Variants in APLF observed in about 807,000 individuals in gnomAD.
The protein encoded by APLF is aprataxin and PNKP like factor, also known as aprataxin and PNK-like factor.
APLF carries 61 observed loss-of-function variants against 55.6 expected under a neutral mutation model. The ratio of observed to expected loss-of-function variants is 1.10; its 90% CI spans 0.89 to 1.36. The LOEUF (loss-of-function observed/expected upper bound fraction) is 1.36. APLF is among the 40% of genes most tolerant of loss of function. The pLI is 0.00. For missense variants in APLF, 611 were observed against 602.5 expected, an observed-to-expected ratio of 1.01 and a Z score of -0.15; for synonymous variants, 207 against 214.8, an observed-to-expected ratio of 0.96 and a Z score of 0.32.
chr2:68,542,270 A>G (rs543548279), intron 7 of APLF, among the ~76,000 whole-genome samples: 5 of 152,216 alleles, frequency 3.3e-5, no homozygotes, highest in Non-Finnish European at 7.3e-5. Flanking sequence ...ATGACACCAA[A>G]GCACAGACAA....
intron 9 of APLF, among the ~76,000 whole-genome samples, chr2:68,571,497 T>G (rs1671463980): frequency 6.6e-6 from 1 of 152,182 alleles, no homozygotes; most frequent in South Asian, 2.1e-4. Context: ...GGATCCAGTT[T>G]CAGCTTTCTA....
intron 9 of APLF, among the ~76,000 whole-genome samples, chr2:68,576,654 GA>G (rs1311991801): frequency 6.6e-6 from 1 of 152,054 alleles, no homozygotes; most frequent in African/African-American, 2.4e-5. Flanking sequence ...CTGATATTAA[GA>G]AAAATATAAA....
rs1423658998 is a variant in APLF, at chr2:68,571,331, G to A, written c.1333+3944G>A. ...CCATTTGTCAATTTTGGCTTTTGTTGCCATTGCTTTTGGTGTTTTAGACAT... is the reference window on the plus strand; with the variant it reads ...CCATTTGTCAATTTTGGCTTTTGTTACCATTGCTTTTGGTGTTTTAGACAT... On this transcript the variant is annotated intron_variant, in intron 9 of 9. Coordinates refer to ENST00000303795, the MANE Select transcript of APLF (RefSeq NM_173545.3). 9.2e-5 allele frequency among the ~76,000 whole-genome samples: 14 copies of A among 152,234 alleles called. No individual in the cohort carries two copies. In the South Asian group the frequency reaches 2.5e-3, roughly 27 times the overall value.
chr2:68,513,977 A>G (rs1160344489), intron 5 of APLF, among the ~76,000 whole-genome samples: 1 of 151,854 alleles, frequency 6.6e-6, no homozygotes, highest in Non-Finnish European at 1.5e-5. Context: ...CTAGGATAAA[A>G]GGCCAGCACA....
intron 5 of APLF, among the ~76,000 whole-genome samples, chr2:68,518,564 G>C (rs1250981397): frequency 8.6e-6 from 1 of 116,120 alleles, no homozygotes; most frequent in East Asian, 2.4e-4. Context: ...AATGTATCAT[G>C]AATATATAAT....
intron 2 of APLF, among the ~76,000 whole-genome samples, chr2:68,493,549 T>G: frequency 6.6e-6 from 1 of 152,226 alleles, no homozygotes; most frequent in East Asian, 1.9e-4. Flanking sequence ...CAAAAGACAC[T>G]ATAATGAAAA....
intron 3 of APLF, among the ~76,000 whole-genome samples, chr2:68,505,263 A>G (rs932435662): frequency 2.0e-5 from 3 of 152,096 alleles, no homozygotes; most frequent in Admixed American, 6.6e-5. Context: ...ATAAACTTTC[A>G]TAATAGAATT....
At chr2:68,511,413 G>C (rs766306632) in intron 3 of APLF, among the ~76,000 whole-genome samples, 15 of 151,554 alleles carry the variant, frequency 9.9e-5, no homozygotes, top group Admixed American at 2.6e-4. Flanking sequence ...TGTACTTTTT[G>C]AATAAAATGT....
chr2:68,516,944 A>C (rs1669601036), intron 5 of APLF, among the ~76,000 whole-genome samples: 1 of 124,248 alleles, frequency 8.0e-6, no homozygotes, highest in South Asian at 2.2e-4. Context: ...ATAATATAAT[A>C]TATATAATAT....
At chr2:68,568,290 AC>A in intron 9 of APLF, 1 of 985,392 alleles carries the variant, frequency 1.0e-6, no homozygotes, top group Non-Finnish European at 1.2e-6. Flanking sequence ...TAAAATGCAT[AC>A]TATCCAGGCT....
intron 5 of APLF, among the ~76,000 whole-genome samples, chr2:68,514,947 C>T (rs964848705): frequency 6.6e-6 from 1 of 151,670 alleles, no homozygotes; most frequent in Admixed American, 6.6e-5. Flanking sequence ...GCTGTTTTTC[C>T]ATTTTACCTT....
intron 3 of APLF, among the ~76,000 whole-genome samples, chr2:68,506,534 A>G (rs1310969875): frequency 6.6e-6 from 1 of 152,008 alleles, no homozygotes; most frequent in Non-Finnish European, 1.5e-5. Context: ...ACATGTATGA[A>G]CTTTTTATTC....
intron 1 of APLF, among the ~76,000 whole-genome samples, chr2:68,468,841 C>G (rs1675518882): frequency 6.6e-6 from 1 of 152,144 alleles, no homozygotes; most frequent in South Asian, 2.1e-4. Flanking sequence ...TGTCAGTGAG[C>G]TAACACCAAG....
chr2:68,472,481 C>A (rs964100847), intron 1 of APLF, among the ~76,000 whole-genome samples: 1 of 152,120 alleles, frequency 6.6e-6, no homozygotes, highest in African/African-American at 2.4e-5. Context: ...CATGACTCCC[C>A]AGACCCCTTA....
Position 68,529,266 on chromosome 2 carries a change from A to G in APLF, c.804+3024A>G. 2 of 1,325,082 alleles carry G rather than the reference A, an allele frequency of 1.5e-6. No individual in the cohort carries two copies. The highest frequency in any genetic ancestry group is 2.0e-6 in the Non-Finnish European group (2 of 1,007,298). The allele number at this position is 1,325,082 out of a possible 1,614,324, so 82.1% of individuals were successfully genotyped here. On this transcript the variant is annotated intron_variant, in intron 6 of 9. Coordinates refer to ENST00000303795, the MANE Select transcript of APLF (RefSeq NM_173545.3). This position sits in a 1 kb window ranked among gnomAD's most constrained non-coding sequence, Gnocchi z 4.4. ...AGGGTGCCGTCCCACCTGCCTGGAA[A>G]AGAAGGCCCAAGATGTCGCTGACGG...
At chr2:68,518,968 A>C (rs1669789051) in intron 5 of APLF, among the ~76,000 whole-genome samples, 1 of 124,018 alleles carries the variant, frequency 8.1e-6, no homozygotes, top group Non-Finnish European at 1.6e-5. Flanking sequence ...AATACATAAT[A>C]ATATGCTATT....
chr2:68,518,227 T>C (rs1669705070), intron 5 of APLF, among the ~76,000 whole-genome samples: 1 of 120,016 alleles, frequency 8.3e-6, no homozygotes, highest in African/African-American at 3.3e-5. Context: ...TAATATATAA[T>C]AGATCATTAA....
intron 3 of APLF, 110 bp from the exon 4 acceptor site, chr2:68,512,970 T>G (rs1669438161): frequency 7.6e-6 from 7 of 924,684 alleles, no homozygotes; most frequent in South Asian, 1.8e-5. Context: ...TAATCTGCTT[T>G]TTTTGGTTTT....
At chr2:68,562,328 A>G (rs183745623) in intron 8 of APLF, among the ~76,000 whole-genome samples, 1 of 152,172 alleles carries the variant, frequency 6.6e-6, no homozygotes, top group African/African-American at 2.4e-5. Context: ...TGAAGGAAAA[A>G]GGTTGATTAT....
Sources: gnomAD v4.1 joint callset for allele counts (sites outside exome capture counted in the v4.1 genomes callset) on GRCh38, gnomAD v4.1.1 for gene constraint, Gnocchi (gnomAD v3.1) non-coding constraint, MANE v1.5 for transcripts, NCBI Gene and HGNC (gene_info 2026-07-23, HGNC 2026-07-21) for gene names.